AGBL4: variants seen among roughly 807,000 people sequenced by gnomAD.
The protein encoded by AGBL4 is cytosolic carboxypeptidase 6.
AGBL4 carries 58 observed loss-of-function variants against 66.4 expected under a neutral mutation model. That is an observed-to-expected ratio of 0.87 (90% confidence interval 0.71 to 1.09). The LOEUF is 1.09. Ranked by LOEUF, AGBL4 falls within the 50% of genes least tolerant of loss-of-function variation. AGBL4 has a pLI of 0.00. For synonymous variants in AGBL4, 234 were observed against 222.9 expected (o/e 1.05, Z -0.44); for missense variants, 579 against 631.0 (o/e 0.92, Z 0.88).
At chr1:49,479,748 C>G (rs1298687259) in intron 3 of AGBL4, among the ~76,000 whole-genome samples, 2 of 148,566 alleles carry the variant, frequency 1.3e-5, no homozygotes, top group Non-Finnish European at 3.0e-5. Context: ...GTCGCCCAGG[C>G]TGGAGTGCAG....
At chr1:49,253,321 A>G (rs1258056138) in intron 3 of AGBL4, among the ~76,000 whole-genome samples, 2 of 152,206 alleles carry the variant, frequency 1.3e-5, no homozygotes, top group Non-Finnish European at 2.9e-5. Flanking sequence ...GGCATTACAT[A>G]TGGTAAAAGG....
intron 6 of AGBL4, among the ~76,000 whole-genome samples, chr1:48,723,130 A>C (rs1389375207): frequency 6.6e-6 from 1 of 152,200 alleles, no homozygotes; most frequent in Non-Finnish European, 1.5e-5. Flanking sequence ...CAAAATGGTG[A>C]AGCAGAATTT....
intron 3 of AGBL4, among the ~76,000 whole-genome samples, chr1:49,504,115 C>A (rs1255868715): frequency 6.6e-6 from 1 of 152,102 alleles, no homozygotes; most frequent in Non-Finnish European, 1.5e-5. Flanking sequence ...TTCCCCCATG[C>A]TGTTCTGGTG....
intron 6 of AGBL4, among the ~76,000 whole-genome samples, chr1:48,692,456 G>A (rs1275861042): frequency 6.6e-6 from 1 of 152,206 alleles, no homozygotes; most frequent in Non-Finnish European, 1.5e-5. Flanking sequence ...CACCCACACA[G>A]AGAGCAATGC....
At chr1:48,698,726 G>A (rs1358020182) in intron 6 of AGBL4, among the ~76,000 whole-genome samples, 1 of 152,214 alleles carries the variant, frequency 6.6e-6, no homozygotes, top group East Asian at 1.9e-4. Context: ...CACCTACTAT[G>A]TGCCCAGCAT....
chr1:49,787,478 G>C (rs1011698782), intron 2 of AGBL4, among the ~76,000 whole-genome samples: 8 of 151,184 alleles, frequency 5.3e-5, no homozygotes, highest in Non-Finnish European at 1.0e-4. Context: ...ACTCCAGCCT[G>C]GGCGACAGAG....
At chr1:49,636,354 T>C (rs1252897094) in intron 3 of AGBL4, among the ~76,000 whole-genome samples, 1 of 152,196 alleles carries the variant, frequency 6.6e-6, no homozygotes, top group African/African-American at 2.4e-5. Context: ...GTAAGCTCTC[T>C]TGTGTCTCTT....
intron 5 of AGBL4, among the ~76,000 whole-genome samples, chr1:48,968,970 A>C (rs1658676103): frequency 6.6e-6 from 1 of 152,146 alleles, no homozygotes; most frequent in African/African-American, 2.4e-5. Flanking sequence ...TAACTTTGCA[A>C]TTTAAAAAGC....
At chr1:48,612,993 G>A (rs1645262510) in intron 9 of AGBL4, among the ~76,000 whole-genome samples, 1 of 152,118 alleles carries the variant, frequency 6.6e-6, no homozygotes, top group African/African-American at 2.4e-5. Context: ...AATTAAGCAG[G>A]CAAGGTGGTG....
intron 3 of AGBL4, among the ~76,000 whole-genome samples, chr1:49,525,017 C>T (rs1182794044): frequency 6.6e-6 from 1 of 151,930 alleles, no homozygotes; most frequent in African/African-American, 2.4e-5. Context: ...GTAACTTATT[C>T]TTCTGTTTTC....
At chr1:48,574,871 G>A (rs1407726369) in intron 11 of AGBL4, among the ~76,000 whole-genome samples, 2 of 152,182 alleles carry the variant, frequency 1.3e-5, no homozygotes, top group Non-Finnish European at 2.9e-5. Context: ...TGGGCATGCA[G>A]CCTGAAGTGA....
chr1:49,601,481 C>T (rs924237064), intron 3 of AGBL4, among the ~76,000 whole-genome samples: 3 of 152,092 alleles, frequency 2.0e-5, no homozygotes, highest in Non-Finnish European at 4.4e-5. Context: ...ACCCAAACAG[C>T]ATGGTCCTGG....
In AGBL4 at chr1:49,493,355, C is replaced by A. The variant is rs905498021; in HGVS notation, c.282+203958G>T. On this transcript the variant is annotated intron_variant, in intron 3 of 13. Transcript: ENST00000371839. ...TATTGAGCACTTACTAAGCAACAGG[C>A]TTTATACTAAAAACTAAAAACTTTA... 1.5e-4 allele frequency among the ~76,000 whole-genome samples: 23 copies of A among 151,938 alleles called. 1 individual carries two copies. The highest frequency in any genetic ancestry group is 5.6e-4 in the African/African-American group (23 of 41,404).
chr1:48,837,711 CTA>C (rs58650623), intron 6 of AGBL4, among the ~76,000 whole-genome samples: 1,050 of 82,198 alleles, frequency 0.013, 38 homozygotes, highest in African/African-American at 0.038. Flanking sequence ...CACACACACA[CTA>C]TATATATATA....
chr1:48,806,315 C>T (rs1351815838), intron 6 of AGBL4, among the ~76,000 whole-genome samples: 2 of 152,122 alleles, frequency 1.3e-5, no homozygotes, highest in Non-Finnish European at 2.9e-5. Flanking sequence ...ATCTGGTGTT[C>T]GAGGCCCAAC....
intron 3 of AGBL4, among the ~76,000 whole-genome samples, chr1:49,628,453 T>G (rs1389089330): frequency 6.6e-6 from 1 of 152,196 alleles, no homozygotes; most frequent in Non-Finnish European, 1.5e-5. Context: ...TATGCTTTCT[T>G]CTTTGTAATA....
chr1:49,929,099 AG>A (rs1231063142), intron 1 of AGBL4, among the ~76,000 whole-genome samples: 2 of 152,216 alleles, frequency 1.3e-5, no homozygotes, highest in African/African-American at 2.4e-5. Flanking sequence ...CTCACTTATA[AG>A]TGGGAGCTAA....
At chr1:49,802,662 C>T (rs1029688198) in intron 2 of AGBL4, among the ~76,000 whole-genome samples, 3 of 152,166 alleles carry the variant, frequency 2.0e-5, no homozygotes, top group Non-Finnish European at 4.4e-5. Flanking sequence ...AACCTACCCC[C>T]GCCCTCACTA....
intron 9 of AGBL4, among the ~76,000 whole-genome samples, chr1:48,614,883 A>G (rs1277664328): frequency 6.6e-6 from 1 of 152,214 alleles, no homozygotes; most frequent in African/African-American, 2.4e-5. Context: ...CTTATTGTTC[A>G]TATATAAAAT....
Sources: allele counts gnomAD v4.1 joint callset (sites outside exome capture counted in the v4.1 genomes callset), GRCh38; gene constraint gnomAD v4.1.1; transcripts MANE v1.5; gene names NCBI Gene and HGNC (gene_info 2026-07-23, HGNC 2026-07-21).